The following KCNIP4 variants were observed in gnomAD, a reference collection of about 807,000 sequenced individuals.
KCNIP4 encodes potassium voltage-gated channel interacting protein 4, also known as Kv channel-interacting protein 4.
A neutral mutation model predicts 34.0 loss-of-function variants in KCNIP4; 12 were observed. That is an observed-to-expected ratio of 0.35 (90% CI 0.23 to 0.57). The LOEUF (loss-of-function observed/expected upper bound fraction) is 0.57. Ranked by LOEUF, KCNIP4 falls within the 20% of genes least tolerant of loss-of-function variation. KCNIP4 has a pLI of 0.83. For synonymous variants in KCNIP4, 124 were observed against 102.2 expected (o/e 1.21, Z -1.29); for missense variants, 238 against 311.7 (o/e 0.76, Z 1.78).
At chr4:20,934,652 A>G (rs528547277) in intron 1 of KCNIP4, among the ~76,000 whole-genome samples, 53 of 152,234 alleles carry the variant, frequency 3.5e-4, no homozygotes, top group Non-Finnish European at 6.5e-4. Context: ...AAAAGATAAA[A>G]ATTTCTATCA....
chr4:20,940,242 G>T (rs534415246), intron 1 of KCNIP4, among the ~76,000 whole-genome samples: 18 of 152,260 alleles, frequency 1.2e-4, no homozygotes, highest in Non-Finnish European at 2.6e-4. Context: ...TCTTGCATTA[G>T]ATGCAATTTC....
At chr4:21,762,914 G>A (rs1560695706) in intron 1 of KCNIP4, 9 of 1,287,078 alleles carry the variant, frequency 7.0e-6, no homozygotes, top group Non-Finnish European at 9.1e-6. Flanking sequence ...TGGAGGGAAG[G>A]ACTCACATGA....
intron 1 of KCNIP4, among the ~76,000 whole-genome samples, chr4:21,595,581 G>A (rs993227850): frequency 2.6e-5 from 4 of 151,976 alleles, no homozygotes; most frequent in African/African-American, 9.7e-5. Flanking sequence ...CTTCCACAAC[G>A]CTTGAACTAA....
At chr4:21,868,138 T>C (rs1725542440) in intron 1 of KCNIP4, among the ~76,000 whole-genome samples, 1 of 152,206 alleles carries the variant, frequency 6.6e-6, no homozygotes, top group Non-Finnish European at 1.5e-5. Context: ...AGCATTTTCA[T>C]GTGTATTCAG....
At chr4:21,948,419 C>T in intron 1 of KCNIP4, 152 bp downstream of exon 1, 1 of 784,568 alleles carries the variant, frequency 1.3e-6, no homozygotes, top group Non-Finnish European at 2.0e-6. Flanking sequence ...CTGCCGCTCC[C>T]ACCTCCCCTT....
At chr4:21,619,460 T>G (rs1057424848) in intron 1 of KCNIP4, among the ~76,000 whole-genome samples, 1 of 152,244 alleles carries the variant, frequency 6.6e-6, no homozygotes, top group Non-Finnish European at 1.5e-5. Flanking sequence ...TGTTGTTAGC[T>G]GTACTGCATA....
chr4:21,557,127 GT>G (rs1372705959), intron 1 of KCNIP4, among the ~76,000 whole-genome samples: 3 of 151,912 alleles, frequency 2.0e-5, no homozygotes, highest in Non-Finnish European at 4.4e-5. Flanking sequence ...TACTAAATGT[GT>G]TTCGTCATGT....
intron 3 of KCNIP4, among the ~76,000 whole-genome samples, chr4:20,814,601 AGCCTCT>A: frequency 6.6e-6 from 1 of 152,170 alleles, no homozygotes; most frequent in South Asian, 2.1e-4. Context: ...TCCAAGCAAG[AGCCTCT>A]GCAGCCCTTT....
intron 1 of KCNIP4, among the ~76,000 whole-genome samples, chr4:21,042,638 T>A (rs990514885): frequency 7.2e-5 from 11 of 152,160 alleles, no homozygotes; most frequent in Non-Finnish European, 1.5e-4. Context: ...GTGATTAGAG[T>A]TAACAATAAT....
At chr4:21,755,203 G>A (rs1484537078) in intron 1 of KCNIP4, among the ~76,000 whole-genome samples, 1 of 152,120 alleles carries the variant, frequency 6.6e-6, no homozygotes, top group Non-Finnish European at 1.5e-5. Context: ...TGGATAGGCT[G>A]TCTCTGCCAG....
chr4:21,532,791 T>C (rs1330408883), intron 1 of KCNIP4, among the ~76,000 whole-genome samples: 1 of 152,076 alleles, frequency 6.6e-6, no homozygotes, highest in Non-Finnish European at 1.5e-5. Context: ...AACTGAAACA[T>C]ATTCTAAATT....
intron 3 of KCNIP4, among the ~76,000 whole-genome samples, chr4:20,761,233 T>A (rs1471736189): frequency 6.6e-6 from 1 of 152,150 alleles, no homozygotes; most frequent in East Asian, 1.9e-4. Context: ...CCAGACCCCT[T>A]CATTAGATAT....
chr4:21,556,930 A>AAAAAACAAAAAAAAAAAAAC (rs1553903110), intron 1 of KCNIP4, among the ~76,000 whole-genome samples: 23 of 108,258 alleles, frequency 2.1e-4, no homozygotes, highest in East Asian at 1.3e-3. Flanking sequence ...CAGAAAAAAA[A>AAAAAACAAAAAAAAAAAAAC]AAAAAAAAAA....
chr4:21,481,749 A>G (rs967539653), intron 1 of KCNIP4, among the ~76,000 whole-genome samples: 6 of 152,172 alleles, frequency 3.9e-5, no homozygotes, highest in African/African-American at 2.4e-5. Context: ...TCATTGAAAT[A>G]ACAAAGCCTT....
intron 1 of KCNIP4, among the ~76,000 whole-genome samples, chr4:21,890,395 C>T (rs1727024296): frequency 2.6e-5 from 4 of 152,104 alleles, no homozygotes; most frequent in Admixed American, 2.6e-4. Flanking sequence ...CCTTGAATCC[C>T]TTAAGTGTGA....
intron 1 of KCNIP4, among the ~76,000 whole-genome samples, chr4:21,021,934 T>C (rs896028782): frequency 1.3e-5 from 2 of 151,004 alleles, no homozygotes; most frequent in South Asian, 2.1e-4. Flanking sequence ...AATAAAGTCA[T>C]GTATTATCAT....
chr4:20,965,555 G>C (rs1226854467), intron 1 of KCNIP4, among the ~76,000 whole-genome samples: 1 of 152,078 alleles, frequency 6.6e-6, no homozygotes, highest in South Asian at 2.1e-4. Context: ...GACTTAACTT[G>C]TGCCCTAAAG....
rs552747598 is a variant in KCNIP4 at position 21,218,390 on chromosome 4, AT to A, written c.62-335682del. ...ATGTACACCATATACATTTATCTTT[AT>A]TTTTATTATCAGTATTCTTCATTTC... On this transcript the variant is annotated intron_variant, in intron 1 of 8. Transcript: ENST00000382152. 9.3e-3 allele frequency among the ~76,000 whole-genome samples: 1,414 copies of A among 152,038 alleles called. 23 individuals carry two copies. Among genetic ancestry groups the A allele is most frequent in the African/African-American group, 0.032 (1,340 of 41,450 alleles).
chr4:21,833,901 T>C (rs1489206404), intron 1 of KCNIP4, among the ~76,000 whole-genome samples: 1 of 152,188 alleles, frequency 6.6e-6, no homozygotes, highest in African/African-American at 2.4e-5. Context: ...CAGATAGTTG[T>C]AGATATGCGG....
Sources: allele counts gnomAD v4.1 joint callset (sites outside exome capture counted in the v4.1 genomes callset), GRCh38; gene constraint gnomAD v4.1.1; transcripts MANE v1.5; gene names NCBI Gene and HGNC (gene_info 2026-07-23, HGNC 2026-07-21).